The following SYNE3 variants were observed in gnomAD, a reference collection of about 807,000 sequenced individuals.
SYNE3 encodes the protein nesprin-3.
SYNE3 carries 100 observed loss-of-function variants against 111.2 expected under a neutral mutation model. The observed-to-expected ratio is 0.90, with a 90% confidence interval of 0.77 to 1.06. The LOEUF (loss-of-function observed/expected upper bound fraction) is 1.06. Among genes scored for constraint, SYNE3 ranks in the 50% least tolerant of loss-of-function variants. SYNE3 has a pLI of 0.00. For missense variants in SYNE3, 1,160 were observed against 1,240.3 expected (o/e 0.94, Z 0.97); for synonymous variants, 547 against 533.9 (o/e 1.02, Z -0.34).
chr14:95,489,073 G>A (rs988253939), intron 1 of SYNE3, among the ~76,000 whole-genome samples: 1 of 152,210 alleles, frequency 6.6e-6, no homozygotes, highest in Non-Finnish European at 1.5e-5. Flanking sequence ...GAGTGACTGA[G>A]TGACAAAGAC....
chr14:95,463,353 C>T (rs898889830), intron 4 of SYNE3, among the ~76,000 whole-genome samples: 2 of 152,188 alleles, frequency 1.3e-5, no homozygotes, highest in African/African-American at 2.4e-5. Context: ...GCAATCCTTT[C>T]AGCATCTGGG....
chr14:95,512,777 A>AAACCCGGCAGGTG (rs1890769613), intron 1 of SYNE3, among the ~76,000 whole-genome samples: 1 of 150,232 alleles, frequency 6.7e-6, no homozygotes, highest in Non-Finnish European at 1.5e-5. Context: ...AGAATGGCGT[A>AAACCCGGCAGGTG]AACCCGGCAG....
rs1040663992 is a variant in SYNE3, at chr14:95,417,841, G to T, written c.2913C>A (p.Gly971=). Residue 971 remains glycine, a synonymous_variant, in exon 18 of 18, where the codon GGC becomes GGA. Transcript: ENST00000682763. ...RSFTLMLRYN[G]PPPT Reference sequence around the variant, plus strand: ...CCCCAGTGGGTTAGGTGGGTGGTGGGCCATTGTAGCGCAGCATGAGCGTGA... The same window carrying T: ...CCCCAGTGGGTTAGGTGGGTGGTGGTCCATTGTAGCGCAGCATGAGCGTGA... The T allele has an allele frequency of 9.9e-6, 16 of 1,614,130 alleles. No homozygotes were observed. The highest frequency in any genetic ancestry group is 2.7e-5 in the African/African-American group (2 of 74,944).
At position 95,407,303 on chromosome 14, in the gene SYNE3, C is replaced by T. The variant is rs753180457; in HGVS notation, c.*10523G>A. ...AAATAGAGATTTTTATTTCCAAACA[C>T]AAAGCAGATACATTTTTAAAAACAT... On this transcript the variant is annotated 3_prime_UTR_variant, in exon 18 of 18. Transcript: ENST00000682763. 2.0e-5 allele frequency: 3 copies of T among 152,198 alleles called. No homozygotes were observed. The highest frequency in any genetic ancestry group is 4.4e-5 in the Non-Finnish European group (3 of 68,038). 9.4% of individuals were successfully genotyped at this position (152,198 alleles called of 1,614,324 possible).
chr14:95,452,193 A>C (rs1413411358), intron 7 of SYNE3, 54 bp downstream of exon 7: 15 of 1,485,774 alleles, frequency 1.0e-5, no homozygotes, highest in African/African-American at 1.4e-5. Flanking sequence ...GGAGATGGGG[A>C]AATGTGGGTT....
In SYNE3 at chr14:95,414,744, A is replaced by AAGTAG. The variant is rs1280928141; in HGVS notation, c.*3081_*3082insCTACT. ...ACACACACACACACGCCACAGCGCCACCTTTCTCAAGTAGCACCTTAAAGC... is the reference window on the plus strand; with the variant it reads ...ACACACACACACACGCCACAGCGCCAAGTAGCCTTTCTCAAGTAGCACCTTAAAGC... On this transcript the variant is annotated 3_prime_UTR_variant, in exon 18 of 18. Transcript: ENST00000682763. 6.9e-6 allele frequency: 1 copy of AAGTAG among 144,538 alleles called. No individual in the cohort carries two copies. The highest frequency in any genetic ancestry group is 1.5e-5 in the Non-Finnish European group (1 of 66,490). The allele number at this position is 144,538 out of a possible 1,614,324, so 9.0% of individuals were successfully genotyped here.
At chr14:95,463,078 C>G (rs1230951546) in intron 4 of SYNE3, among the ~76,000 whole-genome samples, 1 of 152,140 alleles carries the variant, frequency 6.6e-6, no homozygotes, top group Non-Finnish European at 1.5e-5. Flanking sequence ...ATCACTTGAA[C>G]CCGGGAGGCA....
chr14:95,500,734 A>G lies in SYNE3; in HGVS notation c.-15+15862T>C, dbSNP rs988763752. On this transcript the variant is annotated intron_variant, in intron 1 of 17. Coordinates refer to ENST00000682763, the MANE Select transcript of SYNE3 (RefSeq NM_152592.6). The surrounding 1 kb of genome is among the most constrained non-coding windows in gnomAD (Gnocchi z 4.7). ...ATTTTAACATCTTTTCCCTCGCAGG[A>G]CCCTGGGTTGTCCCCAGCAGCCCCA... Among the ~76,000 whole-genome samples the G allele has an allele frequency of 1.3e-5, 2 of 152,078 alleles. No individual in the cohort carries two copies. The highest frequency in any genetic ancestry group is 2.4e-5 in the African/African-American group (1 of 41,408).
chr14:95,481,658 C>T (rs1784462724), intron 1 of SYNE3, among the ~76,000 whole-genome samples: 1 of 152,190 alleles, frequency 6.6e-6, no homozygotes, highest in Non-Finnish European at 1.5e-5. Flanking sequence ...ATGCAGCCCG[C>T]AGGGGGTCAG....
At chr14:95,479,224 CAAAAAAAAAAAA>C (rs71132351) in intron 1 of SYNE3, among the ~76,000 whole-genome samples, 10 of 86,330 alleles carry the variant, frequency 1.2e-4, no homozygotes, top group Admixed American at 1.0e-3. Flanking sequence ...TCGTCTCTAC[CAAAAAAAAAAAA>C]AAAAAAAAAA....
At chr14:95,495,240 C>T (rs1473968768) in intron 1 of SYNE3, among the ~76,000 whole-genome samples, 1 of 152,234 alleles carries the variant, frequency 6.6e-6, no homozygotes, top group East Asian at 1.9e-4. Flanking sequence ...CCATTCCTTC[C>T]AAGAGTGTCT....
Position 95,432,065 on chromosome 14 carries a change from G to A in SYNE3, c.2727+14C>T. On this transcript the variant is annotated intron_variant, in intron 17 of 17. Transcript: ENST00000682763. ...TGCCTGCTAGCCGTGTGGAGCAGATGGCAGACACTGTACCTTTTGGAATCC... is the reference window on the plus strand; with the variant it reads ...TGCCTGCTAGCCGTGTGGAGCAGATAGCAGACACTGTACCTTTTGGAATCC... The A allele has an allele frequency of 1.2e-6, 2 of 1,610,626 alleles. No homozygotes were observed. Among genetic ancestry groups the A allele is most frequent in the Non-Finnish European group, 1.7e-6 (2 of 1,178,308 alleles).
rs1180482914 is a variant in SYNE3 at position 95,409,679 on chromosome 14, A to G, written c.*8147T>C. On this transcript the variant is annotated 3_prime_UTR_variant, in exon 18 of 18. Transcript: ENST00000682763. Reference sequence around the variant, plus strand: ...CGAGCCTGTGTTTTAATGTTCTTTTAGAAACAAATTCCTCCTTGTTCTTAC... The same window carrying G: ...CGAGCCTGTGTTTTAATGTTCTTTTGGAAACAAATTCCTCCTTGTTCTTAC... The G allele has an allele frequency of 3.2e-6, 1 of 311,158 alleles. No individual in the cohort carries two copies. The highest frequency in any genetic ancestry group is 6.3e-6 in the Non-Finnish European group (1 of 158,622). The allele number at this position is 311,158 out of a possible 1,614,324, so 19.3% of individuals were successfully genotyped here. A position where few individuals can be genotyped will look rare whatever the true frequency, so the allele number is the denominator to read the frequency against.
intron 4 of SYNE3, among the ~76,000 whole-genome samples, chr14:95,461,061 G>A (rs540246317): frequency 2.4e-4 from 36 of 152,362 alleles, no homozygotes; most frequent in Admixed American, 5.2e-4. Flanking sequence ...GAATCCAGCC[G>A]TGCTGGAGAA....
chr14:95,431,484 G>A (rs772797422), intron 17 of SYNE3, among the ~76,000 whole-genome samples: 8 of 152,182 alleles, frequency 5.3e-5, no homozygotes, highest in East Asian at 1.9e-4. Context: ...ATAGCATCTC[G>A]AGTAATAATC....
chr14:95,450,706 C>A (rs17092311), intron 7 of SYNE3: 1 of 152,148 alleles, frequency 6.6e-6, no homozygotes, highest in Non-Finnish European at 1.5e-5. Context: ...ATAAAAGGCA[C>A]GAGTGTTCTC....
chr14:95,447,309 T>C (rs1886781358), intron 8 of SYNE3, among the ~76,000 whole-genome samples: 1 of 152,084 alleles, frequency 6.6e-6, no homozygotes, highest in Non-Finnish European at 1.5e-5. Context: ...AATTTTTTTG[T>C]ATTTTTTTAG....
intron 1 of SYNE3, among the ~76,000 whole-genome samples, chr14:95,503,915 G>C (rs891382527): frequency 6.6e-6 from 1 of 152,056 alleles, no homozygotes; most frequent in Non-Finnish European, 1.5e-5. Context: ...CACTGTGCCC[G>C]GCCAGACCTA....
chr14:95,408,566 G>A lies in SYNE3; in HGVS notation c.*9260C>T, dbSNP rs2139312612. The A allele has an allele frequency of 6.5e-6, 1 of 154,786 alleles. No homozygotes were observed. Among genetic ancestry groups the A allele is most frequent in the African/African-American group, 2.4e-5 (1 of 41,570 alleles). The allele number at this position is 154,786 out of a possible 1,614,324, so 9.6% of individuals were successfully genotyped here. ...TCCTGAGCCCGATGTGGTCTCCCTGGCTTCTGAGAGACCACAGGCTGGTGT... is the reference window on the plus strand; with the variant it reads ...TCCTGAGCCCGATGTGGTCTCCCTGACTTCTGAGAGACCACAGGCTGGTGT... On this transcript the variant is annotated 3_prime_UTR_variant, in exon 18 of 18. Coordinates refer to ENST00000682763, the MANE Select transcript of SYNE3 (RefSeq NM_152592.6).
Sources: gnomAD v4.1 joint callset for allele counts (sites outside exome capture counted in the v4.1 genomes callset) on GRCh38, gnomAD v4.1.1 for gene constraint, Gnocchi (gnomAD v3.1) non-coding constraint, MANE v1.5 for transcripts, NCBI Gene and HGNC (gene_info 2026-07-23, HGNC 2026-07-21) for gene names.